The following RIC8A variants were observed in gnomAD, a reference collection of about 807,000 sequenced individuals.
RIC8A encodes the protein RIC8 guanine nucleotide exchange factor A, also known as chaperone Ric-8A.
In RIC8A, 37 loss-of-function variants were observed where a neutral mutation model predicts 48.4. The ratio of observed to expected loss-of-function variants is 0.77; its 90% CI spans 0.59 to 1.01. The LOEUF (loss-of-function observed/expected upper bound fraction) is 1.01, where lower values mean the gene tolerates loss of function less well. RIC8A is among the 50% of genes least tolerant of loss of function. RIC8A has a pLI of 0.00. For missense variants in RIC8A, 681 were observed against 696.8 expected (o/e 0.98, Z 0.25); for synonymous variants, 288 against 283.4 (o/e 1.02, Z -0.16).
At chr11:209,014 G>C (rs1416517763) in intron 1 of RIC8A, 76 bp downstream of exon 1, 5 of 1,310,258 alleles carry the variant, frequency 3.8e-6, no homozygotes, top group African/African-American at 1.5e-5. Context: ...CAGGGAGGGC[G>C]TGGGTGAGGC....
Position 213,346 on chromosome 11 carries a change from T to G in RIC8A, c.1403T>G (p.Met468Arg). ...GRVEEKPPNP[M>R]EGMTEEQKEH... Reference sequence around the variant, plus strand: ...GTGGAGGAGAAGCCGCCTAACCCTATGGAGGGCATGACAGAGGAGCAGAAG... The same window carrying G: ...GTGGAGGAGAAGCCGCCTAACCCTAGGGAGGGCATGACAGAGGAGCAGAAG... Residue 468 changes from methionine (M) to arginine (R), a missense_variant, in exon 9 of 10, where the codon ATG (methionine) becomes AGG (arginine). Transcript: ENST00000526104. 1 of 1,613,464 alleles carries G rather than the reference T, an allele frequency of 6.2e-7. No homozygotes were observed. Among genetic ancestry groups the G allele is most frequent in the Non-Finnish European group, 8.5e-7 (1 of 1,179,750 alleles).
Position 209,374 on chromosome 11 carries a change from G to A in RIC8A, c.133-33G>A, listed in dbSNP as rs374159090. On this transcript the variant is annotated intron_variant, in intron 2 of 9. Coordinates refer to ENST00000526104, the MANE Select transcript of RIC8A (RefSeq NM_001286134.2). ...GGGACGGGTGGCCCCAGGAAGAAGG[G>A]CCTGGTGGAGCCGCTCTTCTCCCTG... is the stretch of plus-strand genomic sequence containing the variant. 2.5e-6 allele frequency: 4 copies of A among 1,600,606 alleles called. No individual in the cohort carries two copies. In the African/African-American group the frequency reaches 5.4e-5, roughly 21 times the overall value.
rs1855296720 is a variant in RIC8A at position 209,690 on chromosome 11, G to A, written c.416G>A (p.Arg139His). 3 of 1,613,888 alleles carry A rather than the reference G, an allele frequency of 1.9e-6. No homozygotes were observed. The highest frequency in any genetic ancestry group is 1.1e-5 in the South Asian group (1 of 91,066). Residue 139 changes from arginine to histidine, a missense_variant, in exon 3 of 10, where the codon CGC becomes CAC. By Grantham distance (29) the Arg-to-His change is conservative. Transcript: ENST00000526104. ...PVAQMLAAEARLVVKLTERVG... is the reference protein window; with the variant it reads ...PVAQMLAAEAHLVVKLTERVG... ...GCACAGATGCTGGCAGCAGAGGCCC[G>A]CCTAGTGGTGAAGCTCACAGAGCGT...
chr11:213,818 G>C (rs915131787), intron 9 of RIC8A: 1 of 240,624 alleles, frequency 4.2e-6, no homozygotes, highest in Admixed American at 5.2e-5. Flanking sequence ...GTGGTGGTGG[G>C]CGCCTGTAGT....
chr11:214,478 C>T lies in RIC8A; in HGVS notation c.*128C>T. On this transcript the variant is annotated 3_prime_UTR_variant, in exon 10 of 10. Coordinates refer to ENST00000526104, the MANE Select transcript of RIC8A (RefSeq NM_001286134.2). The stretch of plus-strand genomic sequence containing the variant: ...CCCCCACTTCTCCATCTTAGAAACC[C>T]CTTCTCTTGACTCCCGTTCTGTTCA... The T allele has an allele frequency of 8.6e-7, 1 of 1,163,208 alleles. No homozygotes were observed. Among genetic ancestry groups the T allele is most frequent in the Non-Finnish European group, 1.2e-6 (1 of 802,950 alleles). The allele number at this position is 1,163,208 out of a possible 1,614,324, so 72.1% of individuals were successfully genotyped here.
chr11:213,048 GT>G, intron 8 of RIC8A, 67 bp downstream of exon 8: 1 of 1,504,610 alleles, frequency 6.6e-7, no homozygotes, highest in Non-Finnish European at 8.9e-7. Context: ...CCACACCCAT[GT>G]GGACCCCTGT....
rs1280515558 is a variant in RIC8A, at chr11:212,280, G to T, written c.970-136G>T. 3.8e-6 allele frequency: 3 copies of T among 785,986 alleles called. No individual in the cohort carries two copies. The Admixed American group carries it at 6.8e-5, about 18-fold the overall frequency. 48.7% of individuals were successfully genotyped at this position (785,986 alleles called of 1,614,324 possible). A position where few individuals can be genotyped will look rare whatever the true frequency, so the allele number is the denominator to read the frequency against. ...GGCCTTCTGCTGACTAACTGCAGAG[G>T]GGCCTCTTCCCAAACCTCTGCCGCC... is the stretch of plus-strand genomic sequence containing the variant. On this transcript the variant is annotated intron_variant, in intron 5 of 9. Transcript: ENST00000526104.
rs542954930 is a variant in RIC8A at position 214,394 on chromosome 11, C to T, written c.*44C>T. 13 of 1,556,616 alleles carry T rather than the reference C, an allele frequency of 8.4e-6. No homozygotes were observed. The East Asian group carries it at 2.6e-4, about 32-fold the overall frequency. On this transcript the variant is annotated 3_prime_UTR_variant, in exon 10 of 10. Coordinates refer to ENST00000526104, the MANE Select transcript of RIC8A (RefSeq NM_001286134.2). ...TCCCCCATCAGGACTGGTGCTGCTT[C>T]CAGAGACTTCCTTGGGGTTGCAACC... is the stretch of plus-strand genomic sequence containing the variant.
At position 211,102 on chromosome 11, in the gene RIC8A, G is replaced by A; in HGVS notation, c.819-97G>A. The A allele has an allele frequency of 5.1e-6, 7 of 1,367,620 alleles. No homozygotes were observed. The highest frequency in any genetic ancestry group is 7.0e-6 in the Non-Finnish European group (7 of 994,802). The allele number at this position is 1,367,620 out of a possible 1,614,324, so 84.7% of individuals were successfully genotyped here. ...AGCGCTGCCCCTTTGGGACTCAGAT[G>A]CCAGCTCATGTAATGTGTGGTTCAG... On this transcript the variant is annotated intron_variant, in intron 4 of 9. Coordinates refer to ENST00000526104, the MANE Select transcript of RIC8A (RefSeq NM_001286134.2). The surrounding 1 kb of genome is among the most constrained non-coding windows in gnomAD (Gnocchi z 4.0).
Position 211,209 on chromosome 11 carries a change from A to T in RIC8A, c.829A>T (p.Asn277Tyr). ...RTEEFHGHAV[N>Y]LLGNLPLKCL... The stretch of plus-strand genomic sequence containing the variant: ...TCCATCTGTCCCCAGCCACGCAGTG[A>T]ACCTCCTGGGGAACTTGCCCCTCAA... The change falls in exon 5 of 10, where the codon AAC (asparagine) becomes TAC (tyrosine). Residue 277 changes from asparagine (N) to tyrosine (Y), a missense_variant. Asn to Tyr is a moderately radical substitution (Grantham distance 143). Coordinates refer to ENST00000526104, the MANE Select transcript of RIC8A (RefSeq NM_001286134.2). The surrounding 1 kb of genome is among the most constrained non-coding windows in gnomAD (Gnocchi z 4.0). The T allele has an allele frequency of 2.5e-6, 4 of 1,613,546 alleles. No individual in the cohort carries two copies. The highest frequency in any genetic ancestry group is 3.4e-6 in the Non-Finnish European group (4 of 1,179,622).
rs948863744 is a variant in RIC8A, at chr11:214,543, A to G, written c.*193A>G. 5.6e-6 allele frequency: 4 copies of G among 718,904 alleles called. No individual in the cohort carries two copies. Among genetic ancestry groups the G allele is most frequent in the Admixed American group, 4.1e-5 (2 of 48,542 alleles). The allele number at this position is 718,904 out of a possible 1,614,324, so 44.5% of individuals were successfully genotyped here. On this transcript the variant is annotated 3_prime_UTR_variant, in exon 10 of 10. Transcript: ENST00000526104. ...TCCAGTTTCTCATCTCTGGACTGCA[A>G]CGGTCTTCTTGTGCTAGAACTCAGG...
rs535044454 is a variant in RIC8A at position 214,651 on chromosome 11, G to C, written c.*301G>C. The C allele has an allele frequency of 2.1e-4, 89 of 433,240 alleles. No individual in the cohort carries two copies. The highest frequency in any genetic ancestry group is 1.5e-3 in the African/African-American group (77 of 49,686). 26.8% of individuals were successfully genotyped at this position (433,240 alleles called of 1,614,324 possible). On this transcript the variant is annotated 3_prime_UTR_variant, in exon 10 of 10. Coordinates refer to ENST00000526104, the MANE Select transcript of RIC8A (RefSeq NM_001286134.2). ...GTTCAGAAGCTGCTGCCTGAGGGCA[G>C]GGCCTACCTGGGCACACAGAAGAGC...
Position 213,426 on chromosome 11 carries a change from G to GC in RIC8A, c.1475+9dup. 6 of 1,572,770 alleles carry GC rather than the reference G, an allele frequency of 3.8e-6. No individual in the cohort carries two copies. The highest frequency in any genetic ancestry group is 3.5e-6 in the Non-Finnish European group (4 of 1,158,440). ...GTTTGACAAGCTCTCCAGGTGTGTGGCATGAGGAGGAGGGGCCTGCAGCTG... is the reference window on the plus strand; with the variant it reads ...GTTTGACAAGCTCTCCAGGTGTGTGGCCATGAGGAGGAGGGGCCTGCAGCTG... On this transcript the variant is annotated intron_variant, in intron 9 of 9. Coordinates refer to ENST00000526104, the MANE Select transcript of RIC8A (RefSeq NM_001286134.2).
Position 213,326 on chromosome 11 carries a change from G to A in RIC8A, c.1383G>A (p.Glu461=). ...TAAACCCTGTGACCGGGAGGGTGGAGGAGAAGCCGCCTAACCCTATGGAGG... is the reference window on the plus strand; with the variant it reads ...TAAACCCTGTGACCGGGAGGGTGGAAGAGAAGCCGCCTAACCCTATGGAGG... The part of the protein sequence containing the change: ...ASINPVTGRV[E]EKPPNPMEGM... Residue 461 remains glutamate (E), a synonymous_variant, in exon 9 of 10, where the codon GAG becomes GAA. Transcript: ENST00000526104. 1 of 1,613,982 alleles carries A rather than the reference G, an allele frequency of 6.2e-7. No homozygotes were observed.
In RIC8A at chr11:208,754, C is replaced by A. The variant is rs1490492646; in HGVS notation, c.-101C>A. 2.3e-6 allele frequency: 2 copies of A among 866,886 alleles called. No individual in the cohort carries two copies. Among genetic ancestry groups the A allele is most frequent in the African/African-American group, 1.8e-5 (1 of 54,790 alleles). The allele number at this position is 866,886 out of a possible 1,614,324, so 53.7% of individuals were successfully genotyped here. A position where few individuals can be genotyped will look rare whatever the true frequency, so the allele number is the denominator to read the frequency against. ...CAGACGCCGCGCCCCGTCCCGGCCT[C>A]CCCCGCGCGCTGGCGCGGGGCTTTC... is the stretch of plus-strand genomic sequence containing the variant. On this transcript the variant is annotated 5_prime_UTR_variant, in exon 1 of 10. Transcript: ENST00000526104. The surrounding 1 kb of genome is among the most constrained non-coding windows in gnomAD (Gnocchi z 4.8).
chr11:214,277 C>T lies in RIC8A; in HGVS notation c.1523C>T (p.Thr508Met), dbSNP rs776558817. ...GGGATGAGTCCCCGGGGTCATCTTA[C>T]GTCCCTGCAGGATGCCATGTGCGAG... is the stretch of plus-strand genomic sequence containing the variant. Reference protein sequence around the residue: ...PMGMSPRGHLTSLQDAMCETM... With the variant: ...PMGMSPRGHLMSLQDAMCETM... The change falls in exon 10 of 10, where the codon ACG becomes ATG. Residue 508 changes from threonine to methionine, a missense_variant. By Grantham distance (81) the Thr-to-Met change is moderately conservative (BLOSUM62 -1). Transcript: ENST00000526104. 10 of 1,613,682 alleles carry T rather than the reference C, an allele frequency of 6.2e-6. No homozygotes were observed. The highest frequency in any genetic ancestry group is 3.3e-5 in the South Asian group (3 of 90,962).
chr11:210,546 C>A, intron 3 of RIC8A, 25 bp from the exon 4 acceptor site: 1 of 1,601,496 alleles, frequency 6.2e-7, no homozygotes, highest in Non-Finnish European at 8.6e-7. Context: ...GGGCTCCTCA[C>A]AGGAACCCTT....
In RIC8A at chr11:209,569, T is replaced by C; in HGVS notation, c.295T>C (p.Ser99Pro). The change falls in exon 3 of 10, where the codon TCT becomes CCT. Residue 99 changes from serine (S) to proline (P), a missense_variant. Coordinates refer to ENST00000526104, the MANE Select transcript of RIC8A (RefSeq NM_001286134.2). ...LQALACYADI[S>P]VSEGSVPESA... ...GGCACTAGCCTGCTATGCTGACATC[T>C]CTGTCTCTGAGGGGTCCGTCCCAGA... 3 of 1,614,110 alleles carry C rather than the reference T, an allele frequency of 1.9e-6. No individual in the cohort carries two copies. The East Asian group carries it at 6.7e-5, about 36-fold the overall frequency.
At chr11:213,124 T>C (rs1855409696) in intron 8 of RIC8A, 143 bp downstream of exon 8, 1 of 1,368,734 alleles carries the variant, frequency 7.3e-7, no homozygotes. Flanking sequence ...CTAAGTGCTA[T>C]CTGGGATACC....
Sources: allele counts gnomAD v4.1 joint callset, GRCh38; gene constraint gnomAD v4.1.1; non-coding constraint Gnocchi (gnomAD v3.1); transcripts MANE v1.5; gene names NCBI Gene and HGNC (gene_info 2026-07-23, HGNC 2026-07-21).